The following LRFN2 variants were observed in gnomAD, a reference collection of about 807,000 sequenced individuals.
LRFN2 encodes the protein leucine rich repeat and fibronectin type III domain containing 2.
Under a neutral mutation model 37.3 loss-of-function variants are expected in LRFN2, and 18 were observed. That is an observed-to-expected ratio of 0.48 (90% CI 0.33 to 0.72). The LOEUF (loss-of-function observed/expected upper bound fraction) is 0.72, where lower values mean the gene tolerates loss of function less well. Ranked by LOEUF, LRFN2 falls within the 30% of genes least tolerant of loss-of-function variation. LRFN2 has a pLI of 0.02. For synonymous variants in LRFN2, 556 were observed against 466.6 expected (o/e 1.19, Z -2.47); for missense variants, 1,006 against 1,060.7 (o/e 0.95, Z 0.72).
At chr6:40,418,048 G>C (rs931291633) in intron 2 of LRFN2, among the ~76,000 whole-genome samples, 13 of 152,212 alleles carry the variant, frequency 8.5e-5, no homozygotes, top group African/African-American at 3.1e-4. Flanking sequence ...AGAGGTTTCC[G>C]TCTCATTCAA....
chr6:40,498,711 G>A (rs1019534318), intron 1 of LRFN2, among the ~76,000 whole-genome samples: 1 of 152,112 alleles, frequency 6.6e-6, no homozygotes, highest in South Asian at 2.1e-4. Flanking sequence ...AGGTTCTTGG[G>A]GCATGGCAGT....
chr6:40,464,039 A>G (rs957745971), intron 1 of LRFN2, among the ~76,000 whole-genome samples: 2 of 152,090 alleles, frequency 1.3e-5, no homozygotes, highest in African/African-American at 4.8e-5. Flanking sequence ...ACTCTGCAGG[A>G]AGTCCTTTCT....
intron 1 of LRFN2, among the ~76,000 whole-genome samples, chr6:40,520,641 G>A (rs963353424): frequency 6.6e-6 from 1 of 152,136 alleles, no homozygotes; most frequent in African/African-American, 2.4e-5. Context: ...TGAGGAGGAC[G>A]AGCAGCTGGC....
chr6:40,531,851 AG>A (rs1212773911), intron 1 of LRFN2, among the ~76,000 whole-genome samples: 9 of 152,094 alleles, frequency 5.9e-5, no homozygotes, highest in African/African-American at 2.2e-4. Context: ...TCTACATTCC[AG>A]TAAGATGCCC....
intron 2 of LRFN2, among the ~76,000 whole-genome samples, chr6:40,430,319 C>T (rs1265789273): frequency 2.0e-5 from 3 of 152,206 alleles, no homozygotes; most frequent in Non-Finnish European, 4.4e-5. Context: ...TCTCCCAGAG[C>T]TTCCAATCCA....
intron 1 of LRFN2, among the ~76,000 whole-genome samples, chr6:40,494,939 A>ACTTATCTC (rs1765189383): frequency 6.6e-6 from 1 of 152,008 alleles, no homozygotes; most frequent in Non-Finnish European, 1.5e-5. Context: ...TTGTCCTTGG[A>ACTTATCTC]CTTATCTCCT....
chr6:40,486,131 C>T (rs776647349), intron 1 of LRFN2, among the ~76,000 whole-genome samples: 1 of 152,092 alleles, frequency 6.6e-6, no homozygotes, highest in African/African-American at 2.4e-5. Flanking sequence ...GCCCTTCTGG[C>T]CTATGTACTT....
intron 1 of LRFN2, among the ~76,000 whole-genome samples, chr6:40,522,370 G>T (rs1364692131): frequency 6.6e-6 from 1 of 152,126 alleles, no homozygotes; most frequent in Non-Finnish European, 1.5e-5. Context: ...AGCCAATTTT[G>T]CAAGAAGAAA....
At chr6:40,474,214 C>G (rs931269833) in intron 1 of LRFN2, among the ~76,000 whole-genome samples, 1 of 152,130 alleles carries the variant, frequency 6.6e-6, no homozygotes, top group Non-Finnish European at 1.5e-5. Context: ...GAGATTTACC[C>G]TCTCATAGTC....
intron 2 of LRFN2, among the ~76,000 whole-genome samples, chr6:40,430,823 T>A (rs528845602): frequency 3.3e-5 from 5 of 152,124 alleles, no homozygotes; most frequent in Non-Finnish European, 5.9e-5. Context: ...GGGGCTCACA[T>A]GATGTGGTCT....
At chr6:40,525,636 G>T (rs868376029) in intron 1 of LRFN2, among the ~76,000 whole-genome samples, 6 of 152,134 alleles carry the variant, frequency 3.9e-5, no homozygotes, top group African/African-American at 1.4e-4. Context: ...ATTTACACAT[G>T]CTCCGAGCCC....
intron 1 of LRFN2, among the ~76,000 whole-genome samples, chr6:40,478,645 C>A (rs2113861905): frequency 6.6e-6 from 1 of 152,328 alleles, no homozygotes; most frequent in Middle Eastern, 3.4e-3. Flanking sequence ...CTGAGTACCC[C>A]AGGGTTGGTC....
rs1394613352 is a variant in LRFN2 at position 40,567,707 on chromosome 6, T to A, written c.-19+19234A>T. Among the ~76,000 whole-genome samples the A allele has an allele frequency of 7.2e-5, 11 of 152,358 alleles. No individual in the cohort carries two copies. In the East Asian group the frequency reaches 2.1e-3, roughly 29 times the overall value. On this transcript the variant is annotated intron_variant, in intron 1 of 2. Coordinates refer to ENST00000338305, the MANE Select transcript of LRFN2 (RefSeq NM_020737.3). ...TGGACATGTTTGTATACAAGCACTT[T>A]GCTGTTGATCTTCACTGTTTTAGAG...
At chr6:40,542,487 G>A (rs749482552) in intron 1 of LRFN2, among the ~76,000 whole-genome samples, 165 of 152,118 alleles carry the variant, frequency 1.1e-3, no homozygotes, top group Non-Finnish European at 1.9e-3. Flanking sequence ...GCAGAGCACC[G>A]AGATACACAG....
intron 1 of LRFN2, among the ~76,000 whole-genome samples, chr6:40,578,406 A>G (rs1480947425): frequency 1.3e-5 from 2 of 152,242 alleles, no homozygotes; most frequent in East Asian, 3.8e-4. Context: ...GCTGTAAGGT[A>G]CAATGAAAAC....
intron 2 of LRFN2, among the ~76,000 whole-genome samples, chr6:40,402,872 T>A (rs1762769601): frequency 6.6e-6 from 1 of 152,184 alleles, no homozygotes; most frequent in Admixed American, 6.5e-5. Context: ...TCGGGACGCA[T>A]GCTCCTGGGA....
At chr6:40,437,914 A>C (rs1763729360) in intron 1 of LRFN2, among the ~76,000 whole-genome samples, 1 of 152,220 alleles carries the variant, frequency 6.6e-6, no homozygotes, top group Admixed American at 6.5e-5. Context: ...GCTCATAGCC[A>C]CATGGCAATT....
At chr6:40,515,403 A>T (rs1765836055) in intron 1 of LRFN2, among the ~76,000 whole-genome samples, 1 of 152,210 alleles carries the variant, frequency 6.6e-6, no homozygotes, top group African/African-American at 2.4e-5. Context: ...AAAAAGCGTG[A>T]GCTTGAGGGT....
chr6:40,492,854 C>T (rs1369784159), intron 1 of LRFN2, among the ~76,000 whole-genome samples: 4 of 152,168 alleles, frequency 2.6e-5, no homozygotes, highest in African/African-American at 7.2e-5. Flanking sequence ...CAATTCGCTG[C>T]CCAGCAGAAG....
Sources: allele counts gnomAD v4.1 joint callset (sites outside exome capture counted in the v4.1 genomes callset), GRCh38; gene constraint gnomAD v4.1.1; transcripts MANE v1.5; gene names NCBI Gene and HGNC (gene_info 2026-07-23, HGNC 2026-07-21).